Variants in FAM107B observed in about 807,000 individuals in gnomAD.
The protein encoded by FAM107B is protein FAM107B.
FAM107B carries 21 observed loss-of-function variants against 31.5 expected under a neutral mutation model. The observed-to-expected ratio is 0.67, with a 90% CI of 0.47 to 0.96. The LOEUF (loss-of-function observed/expected upper bound fraction) is 0.96. FAM107B is among the 40% of genes least tolerant of loss of function. The pLI is 0.00. For synonymous variants in FAM107B, 157 were observed against 141.5 expected (o/e 1.11, Z -0.78); for missense variants, 452 against 377.1 (o/e 1.20, Z -1.64).
At chr10:14,572,330 AGCCCTGGGTGGGTACCAGGTT>A in intron 2 of FAM107B, 1 of 985,456 alleles carries the variant, frequency 1.0e-6, no homozygotes, top group Middle Eastern at 5.2e-4. Flanking sequence ...CAGACTCTCC[AGCCCTGGGTGGGTACCAGGTT>A]GCAACACTCA....
At chr10:14,762,801 C>CACACACAAA (rs1554757454) in intron 1 of FAM107B, among the ~76,000 whole-genome samples, 2 of 141,138 alleles carry the variant, frequency 1.4e-5, no homozygotes, top group African/African-American at 5.2e-5. Flanking sequence ...CACACACACA[C>CACACACAAA]AAAAAGAACA....
chr10:14,719,236 C>CA (rs1167168461), intron 1 of FAM107B, among the ~76,000 whole-genome samples: 5 of 152,208 alleles, frequency 3.3e-5, no homozygotes, highest in African/African-American at 1.2e-4. Context: ...GTTCGGGAGT[C>CA]AGAGTTCCAG....
intron 1 of FAM107B, among the ~76,000 whole-genome samples, chr10:14,734,488 G>GTGTTTTTGTTTTTTTTTTTTTTTTTT (rs558940939): frequency 5.8e-5 from 8 of 138,560 alleles, no homozygotes; most frequent in African/African-American, 2.2e-4. Context: ...TTTTTGTGAG[G>GTGTTTTTGTTTTTTTTTTTTTTTTTT]TTTTTTTTTT....
intron 1 of FAM107B, among the ~76,000 whole-genome samples, chr10:14,683,891 A>G (rs1011187345): frequency 6.6e-6 from 1 of 152,212 alleles, no homozygotes; most frequent in Non-Finnish European, 1.5e-5. Context: ...AGCTGTACAG[A>G]GCACTGTTAT....
chr10:14,654,908 A>G (rs1414760528), intron 2 of FAM107B, among the ~76,000 whole-genome samples: 1 of 152,212 alleles, frequency 6.6e-6, no homozygotes, highest in East Asian at 1.9e-4. Context: ...AAGCTTGAGA[A>G]TGCTACCATT....
chr10:14,581,762 G>T (rs1420032587), intron 2 of FAM107B, among the ~76,000 whole-genome samples: 1 of 152,188 alleles, frequency 6.6e-6, no homozygotes, highest in African/African-American at 2.4e-5. Context: ...ACTCAAGTGA[G>T]CGTGGTGGTG....
chr10:14,618,950 C>A (rs12049700), intron 2 of FAM107B, among the ~76,000 whole-genome samples: 9,548 of 152,212 alleles, frequency 0.063, 391 homozygotes, highest in East Asian at 0.18. Context: ...CAGAAACAGA[C>A]ACGCAGGAAG....
chr10:14,608,562 G>T (rs1009125535), intron 2 of FAM107B, among the ~76,000 whole-genome samples: 20 of 152,226 alleles, frequency 1.3e-4, no homozygotes, highest in African/African-American at 4.8e-4. Context: ...AAGTCCAGAA[G>T]TTGATGGCAG....
intron 2 of FAM107B, among the ~76,000 whole-genome samples, chr10:14,584,142 G>A (rs1851747385): frequency 6.6e-6 from 1 of 152,192 alleles, no homozygotes; most frequent in South Asian, 2.1e-4. Context: ...CCAGCCCTGA[G>A]GCTGCCACCT....
At chr10:14,727,885 T>C (rs1206569845) in intron 1 of FAM107B, among the ~76,000 whole-genome samples, 1 of 152,214 alleles carries the variant, frequency 6.6e-6, no homozygotes, top group East Asian at 1.9e-4. Flanking sequence ...AAAAGTTCTG[T>C]GTAGATGGAA....
At position 14,685,152 on chromosome 10, in the gene FAM107B, T is replaced by A. The variant is rs555981128; in HGVS notation, c.412-17461A>T. On this transcript the variant is annotated intron_variant, in intron 1 of 4. Transcript: ENST00000181796. ...CAATAACATCCTTTTATTTTTTTTT[T>A]TTTTTTTTTTTTTTGAGACAGGTTC... is the stretch of plus-strand genomic sequence containing the variant. Among the ~76,000 whole-genome samples, 187 of 149,478 alleles carry A rather than the reference T, an allele frequency of 1.3e-3. 1 individual carries two copies. Among genetic ancestry groups the A allele is most frequent in the South Asian group, 1.9e-3 (9 of 4,666 alleles).
At chr10:14,680,192 A>G (rs11259265) in intron 1 of FAM107B, among the ~76,000 whole-genome samples, 2 of 152,012 alleles carry the variant, frequency 1.3e-5, no homozygotes, top group Non-Finnish European at 2.9e-5. Flanking sequence ...TTGAGTTCCC[A>G]GCATAGAACT....
intron 3 of FAM107B, 103 bp downstream of exon 3, chr10:14,530,229 G>C: frequency 8.0e-7 from 1 of 1,245,850 alleles, no homozygotes; most frequent in Non-Finnish European, 1.1e-6. Flanking sequence ...CAAAGTGCAA[G>C]AAATCAAAGA....
At position 14,609,256 on chromosome 10, in the gene FAM107B, G is replaced by A. The variant is rs147830359; in HGVS notation, c.469+58378C>T. 4.9e-4 allele frequency among the ~76,000 whole-genome samples: 74 copies of A among 152,168 alleles called. No individual in the cohort carries two copies. The East Asian group carries it at 0.011, about 23-fold the overall frequency. On this transcript the variant is annotated intron_variant, in intron 2 of 4. Transcript: ENST00000181796. ...GCTTATAACACCCACATATTGACTCGTCCTTTTTTTAGTCCAGAAATGGCA... is the reference window on the plus strand; with the variant it reads ...GCTTATAACACCCACATATTGACTCATCCTTTTTTTAGTCCAGAAATGGCA...
intron 2 of FAM107B, among the ~76,000 whole-genome samples, chr10:14,546,444 C>A (rs185886864): frequency 2.0e-3 from 306 of 152,326 alleles, no homozygotes; most frequent in African/African-American, 6.8e-3. Context: ...TCTTTGAAGA[C>A]TAATATGTTT....
At chr10:14,621,762 G>A (rs1853015815) in intron 2 of FAM107B, among the ~76,000 whole-genome samples, 1 of 152,142 alleles carries the variant, frequency 6.6e-6, no homozygotes, top group African/African-American at 2.4e-5. Flanking sequence ...CCCAGCCGAT[G>A]TGGGGTGGCA....
intron 2 of FAM107B, among the ~76,000 whole-genome samples, chr10:14,559,792 A>G (rs1371323560): frequency 4.0e-5 from 6 of 150,200 alleles, no homozygotes; most frequent in Non-Finnish European, 8.9e-5. Context: ...CATGGTTTCA[A>G]TCTCCTGACC....
At chr10:14,719,148 C>T (rs1002858018) in intron 1 of FAM107B, among the ~76,000 whole-genome samples, 1 of 152,206 alleles carries the variant, frequency 6.6e-6, no homozygotes, top group Non-Finnish European at 1.5e-5. Flanking sequence ...AGACCATAGG[C>T]TTAGAGCAGG....
At position 14,774,416 on chromosome 10, in the gene FAM107B, G is replaced by T. The variant is rs867192015; in HGVS notation, c.248C>A (p.Ala83Glu). The change falls in exon 1 of 5, where the codon GCA (alanine) becomes GAA (glutamate). Residue 83 changes from alanine (A) to glutamate (E), a missense_variant. Physicochemically the swap from Ala to Glu is moderately radical, Grantham distance 107. Transcript: ENST00000181796. ...PEKRQDSSTH[A>E]ERNGSANRNS... ...CCGATTCGCACTGCCATTTCTCTCT[G>T]CATGGGTGCTCGAATCTTGCCTTTT... 1 of 1,614,092 alleles carries T rather than the reference G, an allele frequency of 6.2e-7. No individual in the cohort carries two copies. The highest frequency in any genetic ancestry group is 8.5e-7 in the Non-Finnish European group (1 of 1,180,048).
Sources: allele counts gnomAD v4.1 joint callset (sites outside exome capture counted in the v4.1 genomes callset), GRCh38; gene constraint gnomAD v4.1.1; transcripts MANE v1.5; gene names NCBI Gene and HGNC (gene_info 2026-07-23, HGNC 2026-07-21).